The following AMOTL1 variants were observed in gnomAD, a reference collection of about 807,000 sequenced individuals.
AMOTL1 encodes angiomotin-like protein 1.
Under a neutral mutation model 102.9 loss-of-function variants are expected in AMOTL1, and 45 were observed. The ratio of observed to expected loss-of-function variants is 0.44; its 90% CI spans 0.34 to 0.56. AMOTL1 has a LOEUF of 0.56. Among genes scored for constraint, AMOTL1 ranks in the 20% least tolerant of loss-of-function variants. AMOTL1 has a pLI of 0.01. For synonymous variants in AMOTL1, 481 were observed against 484.7 expected (o/e 0.99, Z 0.10); for missense variants, 1,114 against 1,225.6 (o/e 0.91, Z 1.36).
At chr11:94,858,821 C>T (rs1952716642) in intron 8 of AMOTL1, among the ~76,000 whole-genome samples, 1 of 152,202 alleles carries the variant, frequency 6.6e-6, no homozygotes, top group Non-Finnish European at 1.5e-5. Flanking sequence ...GAAAAAGATT[C>T]TGAAGTATGA....
chr11:94,735,586 C>T (rs1950427507), intron 2 of AMOTL1, among the ~76,000 whole-genome samples: 1 of 152,106 alleles, frequency 6.6e-6, no homozygotes, highest in African/African-American at 2.4e-5. Flanking sequence ...CAGTCATACC[C>T]CAGCTTATGT....
Position 94,858,042 on chromosome 11 carries a change from C to T in AMOTL1, c.1945-1483C>T, listed in dbSNP as rs1335497154. Among the ~76,000 whole-genome samples, 5 of 152,138 alleles carry T rather than the reference C, an allele frequency of 3.3e-5. No homozygotes were observed. In the East Asian group the frequency reaches 7.7e-4, roughly 24 times the overall value. ...GCTATGAAGAGTTGTCATGATCTCA[C>T]GTGAGGTTAAGAGGATTCTGCAAAA... On this transcript the variant is annotated intron_variant, in intron 8 of 12. Coordinates refer to ENST00000433060, the MANE Select transcript of AMOTL1 (RefSeq NM_130847.3).
chr11:94,717,610 G>A (rs562618169), intron 1 of AMOTL1, among the ~76,000 whole-genome samples: 1 of 151,748 alleles, frequency 6.6e-6, no homozygotes, highest in Non-Finnish European at 1.5e-5. Flanking sequence ...TTTTAAATTG[G>A]TAAGTTATTT....
intron 9 of AMOTL1, among the ~76,000 whole-genome samples, chr11:94,860,966 A>G (rs1330340190): frequency 6.6e-6 from 1 of 152,248 alleles, no homozygotes; most frequent in African/African-American, 2.4e-5. Context: ...CTCAGATGTT[A>G]GCACCAGGAA....
chr11:94,854,307 G>A (rs551154136), intron 8 of AMOTL1, among the ~76,000 whole-genome samples: 18 of 152,288 alleles, frequency 1.2e-4, no homozygotes, highest in African/African-American at 3.8e-4. Flanking sequence ...GCCAGCTTGG[G>A]GCTGGGGAGA....
At position 94,864,721 on chromosome 11, in the gene AMOTL1, C is replaced by A; in HGVS notation, c.2136-14C>A. On this transcript the variant is annotated splice_polypyrimidine_tract_variant and intron_variant, in intron 9 of 12. Coordinates refer to ENST00000433060, the MANE Select transcript of AMOTL1 (RefSeq NM_130847.3). ...AGGTTTCCTATGATCAAACGCATAT[C>A]CTTGTGTTGCCAGGGACACCACGAT... 1 of 1,611,700 alleles carries A rather than the reference C, an allele frequency of 6.2e-7. No individual in the cohort carries two copies. The highest frequency in any genetic ancestry group is 8.5e-7 in the Non-Finnish European group (1 of 1,178,560).
chr11:94,782,660 C>T (rs1026506978), intron 1 of AMOTL1, among the ~76,000 whole-genome samples: 5 of 152,110 alleles, frequency 3.3e-5, no homozygotes, highest in Non-Finnish European at 5.9e-5. Context: ...AAGAAAATGC[C>T]AGTTGTTGAG....
chr11:94,838,536 A>T (rs1192468742), intron 6 of AMOTL1, among the ~76,000 whole-genome samples: 2 of 152,068 alleles, frequency 1.3e-5, no homozygotes, highest in Non-Finnish European at 2.9e-5. Flanking sequence ...TCTAATAAAA[A>T]CCTTATTTAC....
intron 3 of AMOTL1, among the ~76,000 whole-genome samples, chr11:94,818,788 C>T (rs1951810742): frequency 6.6e-6 from 1 of 152,104 alleles, no homozygotes; most frequent in Non-Finnish European, 1.5e-5. Context: ...GTCCTATTTT[C>T]CCTCCATTTT....
intron 3 of AMOTL1, among the ~76,000 whole-genome samples, chr11:94,744,147 C>T (rs145660089): frequency 0.021 from 3,206 of 152,312 alleles, 58 homozygotes; most frequent in Admixed American, 0.031. Flanking sequence ...CAGATATCAA[C>T]GGCAAGTGGT....
At chr11:94,774,541 A>C (rs1950996999) in intron 1 of AMOTL1, among the ~76,000 whole-genome samples, 1 of 152,174 alleles carries the variant, frequency 6.6e-6, no homozygotes, top group Non-Finnish European at 1.5e-5. Flanking sequence ...TTCTCAGAGG[A>C]AATTAATTGG....
chr11:94,793,457 A>G (rs1251547252), intron 1 of AMOTL1, among the ~76,000 whole-genome samples: 1 of 152,156 alleles, frequency 6.6e-6, no homozygotes, highest in East Asian at 1.9e-4. Context: ...CTTCTGATTG[A>G]ATAGATCTGG....
chr11:94,726,852 C>T (rs1408279011), intron 1 of AMOTL1, among the ~76,000 whole-genome samples: 3 of 152,174 alleles, frequency 2.0e-5, no homozygotes, highest in Non-Finnish European at 4.4e-5. Flanking sequence ...GGATCAAAAC[C>T]TTCCTCAAAA....
intron 1 of AMOTL1, among the ~76,000 whole-genome samples, chr11:94,774,056 A>G (rs1481313175): frequency 6.6e-6 from 1 of 152,244 alleles, no homozygotes; most frequent in Non-Finnish European, 1.5e-5. Flanking sequence ...CAATGCGCAC[A>G]ATGCTGGGCA....
intron 1 of AMOTL1, among the ~76,000 whole-genome samples, chr11:94,710,413 G>C (rs1950004815): frequency 6.6e-6 from 1 of 152,196 alleles, no homozygotes; most frequent in African/African-American, 2.4e-5. Context: ...AAAGTATCTA[G>C]ACATGTCTTC....
intron 1 of AMOTL1, among the ~76,000 whole-genome samples, chr11:94,784,683 C>T (rs942343069): frequency 2.6e-5 from 4 of 152,126 alleles, no homozygotes. Context: ...GATTTATTTA[C>T]AAAATTTCAG....
At chr11:94,774,465 A>G (rs887946074) in intron 1 of AMOTL1, among the ~76,000 whole-genome samples, 1 of 152,192 alleles carries the variant, frequency 6.6e-6, no homozygotes, top group Non-Finnish European at 1.5e-5. Context: ...GGCTGATGTC[A>G]CCAGGCCGTG....
intron 2 of AMOTL1, among the ~76,000 whole-genome samples, chr11:94,737,733 T>C (rs1232994939): frequency 6.6e-6 from 1 of 152,184 alleles, no homozygotes; most frequent in African/African-American, 2.4e-5. Context: ...CATCCACTCA[T>C]AAGATCAGCA....
intron 7 of AMOTL1, among the ~76,000 whole-genome samples, chr11:94,853,490 T>C (rs1952591190): frequency 6.6e-6 from 1 of 152,222 alleles, no homozygotes; most frequent in Admixed American, 6.5e-5. Context: ...CATTCCTTTT[T>C]ATGGCTGCAT....
Sources: gnomAD v4.1 joint callset for allele counts (sites outside exome capture counted in the v4.1 genomes callset) on GRCh38, gnomAD v4.1.1 for gene constraint, MANE v1.5 for transcripts, NCBI Gene and HGNC (gene_info 2026-07-23, HGNC 2026-07-21) for gene names.